SIGLEC6: variants seen among roughly 807,000 people sequenced by gnomAD.
SIGLEC6 encodes the protein sialic acid-binding Ig-like lectin 6.
Under a neutral mutation model 41.4 loss-of-function variants are expected in SIGLEC6, and 31 were observed. The observed-to-expected ratio is 0.75, with a 90% CI of 0.56 to 1.01. The LOEUF is 1.01. SIGLEC6 is among the 50% of genes least tolerant of loss of function. The pLI, the probability that SIGLEC6 is intolerant of heterozygous loss-of-function variation, is 0.00. For synonymous variants in SIGLEC6, 217 were observed against 231.0 expected, an observed-to-expected ratio of 0.94 and a Z score of 0.55; for missense variants, 555 against 558.6, an observed-to-expected ratio of 0.99 and a Z score of 0.06.
chr19:51,524,733 T>G (rs915248763), intron 7 of SIGLEC6, among the ~76,000 whole-genome samples: 5 of 152,164 alleles, frequency 3.3e-5, no homozygotes, highest in Admixed American at 1.3e-4. Context: ...GGAGAGGAGA[T>G]AGAGTGGCAA....
rs756556056 is a variant in SIGLEC6 at position 51,531,632 on chromosome 19, T to C, written c.17A>G (p.Glu6Gly). MQGAQ[E>G]ASASEMLPLL... ...CGGTAGCATCTCTGAGGCGGAGGCT[T>C]CCTGGGCTCCCTGCATGAGCAGAGA... The change falls in exon 1 of 8, where the codon GAA becomes GGA. Residue 6 changes from glutamate (E) to glycine (G), a missense_variant. By Grantham distance (98) the Glu-to-Gly change is moderately conservative. Transcript: ENST00000425629. The C allele has an allele frequency of 1.2e-6, 2 of 1,608,638 alleles. No individual in the cohort carries two copies. The highest frequency in any genetic ancestry group is 2.2e-5 in the South Asian group (2 of 90,286).
chr19:51,520,248 T>C lies in SIGLEC6; in HGVS notation c.1196A>G (p.Gln399Arg). 1 of 1,581,948 alleles carries C rather than the reference T, an allele frequency of 6.3e-7. No homozygotes were observed. The highest frequency in any genetic ancestry group is 8.6e-7 in the Non-Finnish European group (1 of 1,156,746). ...PVMVSGSRGH[Q>R]HQFQTGIVSD... The stretch of plus-strand genomic sequence containing the variant: ...AACTATGCCTGTCTGGAACTGGTGC[T>C]GATGACCCTTAATGGAAGAAAAGAA... The change falls in exon 8 of 8, where the codon CAG becomes CGG. Residue 399 changes from glutamine (Q) to arginine (R), a missense_variant. Physicochemically the swap from Gln to Arg is conservative, Grantham distance 43 (BLOSUM62 1). Transcript: ENST00000425629.
intron 1 of SIGLEC6, 26 bp downstream of exon 1, chr19:51,531,556 C>T (rs764977158): frequency 4.3e-6 from 7 of 1,613,986 alleles, no homozygotes; most frequent in South Asian, 3.3e-5. Flanking sequence ...CCCAGCCCCA[C>T]GGCACCTCTC....
In SIGLEC6 at chr19:51,531,360, A is replaced by C; in HGVS notation, c.227T>G (p.Val76Gly). ...YWFLEGADVP[V>G]ATNDPDEEVQ... is the part of the protein sequence containing the mutation. Reference sequence around the variant, plus strand: ...TTCTTCGTCTGGGTCGTTTGTGGCCACTGGAACATCAGCCCCTTCCAGGAA... The same window carrying C: ...TTCTTCGTCTGGGTCGTTTGTGGCCCCTGGAACATCAGCCCCTTCCAGGAA... The change falls in exon 2 of 8, where the codon GTG becomes GGG. Residue 76 changes from valine (V) to glycine (G), a missense_variant. By Grantham distance (109) the Val-to-Gly change is moderately radical (BLOSUM62 -3). Transcript: ENST00000425629. 1 of 1,614,118 alleles carries C rather than the reference A, an allele frequency of 6.2e-7. No individual in the cohort carries two copies. The highest frequency in any genetic ancestry group is 1.3e-5 in the African/African-American group (1 of 75,022).
At chr19:51,528,552 T>C in intron 5 of SIGLEC6, 1 of 436,314 alleles carries the variant, frequency 2.3e-6, no homozygotes, top group Non-Finnish European at 4.2e-6. Flanking sequence ...ACAATTCCTA[T>C]TTTGAAGTCC....
intron 7 of SIGLEC6, among the ~76,000 whole-genome samples, chr19:51,527,070 T>TC (rs1979350779): frequency 6.6e-6 from 1 of 151,954 alleles, no homozygotes; most frequent in Non-Finnish European, 1.5e-5. Context: ...TACAACTCAT[T>TC]GGCATCCCTG....
intron 5 of SIGLEC6, 164 bp from the exon 6 acceptor site, chr19:51,528,417 C>T (rs992260785): frequency 9.4e-6 from 6 of 635,798 alleles, no homozygotes; most frequent in South Asian, 1.9e-5. Flanking sequence ...CTCTCCATGA[C>T]TCCCCCTTCC....
chr19:51,529,063 A>T (rs1979738946), intron 5 of SIGLEC6, among the ~76,000 whole-genome samples: 1 of 151,302 alleles, frequency 6.6e-6, no homozygotes, highest in Admixed American at 6.6e-5. Context: ...AGACACCACC[A>T]TGTGAAGATT....
rs1295085833 is a variant in SIGLEC6 at position 51,518,204 on chromosome 19, A to G, written c.*1878T>C. Among the ~76,000 whole-genome samples, 1 of 152,174 alleles carries G rather than the reference A, an allele frequency of 6.6e-6. No individual in the cohort carries two copies. Among genetic ancestry groups the G allele is most frequent in the African/African-American group, 2.4e-5 (1 of 41,442 alleles). ...ACTTTCAGTCTTAAAATGTGTTTTCATTGAGTAGGCTTTCTAAAACAACAT... is the reference window on the plus strand; with the variant it reads ...ACTTTCAGTCTTAAAATGTGTTTTCGTTGAGTAGGCTTTCTAAAACAACAT... On this transcript the variant is annotated 3_prime_UTR_variant, in exon 8 of 8. Coordinates refer to ENST00000425629, the MANE Select transcript of SIGLEC6 (RefSeq NM_001245.7).
In SIGLEC6 at chr19:51,528,183, G is replaced by A. The variant is rs758817540; in HGVS notation, c.1083C>T (p.Phe361=). 2.5e-6 allele frequency: 4 copies of A among 1,614,128 alleles called. No homozygotes were observed. Among genetic ancestry groups the A allele is most frequent in the East Asian group, 2.2e-5 (1 of 44,874 alleles). ...VWGASITTLV[F]LCVCFIFRVK... is the part of the protein sequence containing the mutation. ...ACCTGAAGATGAAGCAAACACAGAGGAAAACCAGGGTTGTGATGCTAGCTC... is the reference window on the plus strand; with the variant it reads ...ACCTGAAGATGAAGCAAACACAGAGAAAAACCAGGGTTGTGATGCTAGCTC... The change falls in exon 6 of 8, where the codon TTC becomes TTT. Residue 361 remains phenylalanine, a synonymous_variant. Coordinates refer to ENST00000425629, the MANE Select transcript of SIGLEC6 (RefSeq NM_001245.7).
At chr19:51,528,874 G>T (rs942867787) in intron 5 of SIGLEC6, among the ~76,000 whole-genome samples, 2 of 151,842 alleles carry the variant, frequency 1.3e-5, no homozygotes, top group South Asian at 4.2e-4. Flanking sequence ...CCAGCTACTC[G>T]GGAGGCTGAG....
At chr19:51,530,081 A>G (rs1979991949) in intron 4 of SIGLEC6, 100 bp from the exon 5 acceptor site, 5 of 1,403,380 alleles carry the variant, frequency 3.6e-6, no homozygotes, top group Admixed American at 2.3e-5. Flanking sequence ...TGAGGAGGAG[A>G]CTAGTAAAGT....
In SIGLEC6 at chr19:51,520,251, T is replaced by C; in HGVS notation, c.1193A>G (p.His398Arg). 6.4e-7 allele frequency: 1 copy of C among 1,574,460 alleles called. No homozygotes were observed. The highest frequency in any genetic ancestry group is 8.7e-7 in the Non-Finnish European group (1 of 1,151,532). Residue 398 changes from histidine (H) to arginine (R), a missense_variant, in exon 8 of 8, where the codon CAT becomes CGT. By Grantham distance (29) the His-to-Arg change is conservative (BLOSUM62 0). Transcript: ENST00000425629. ...TATGCCTGTCTGGAACTGGTGCTGATGACCCTTAATGGAAGAAAAGAAAAG... is the reference window on the plus strand; with the variant it reads ...TATGCCTGTCTGGAACTGGTGCTGACGACCCTTAATGGAAGAAAAGAAAAG... Reference protein sequence around the residue: ...NPVMVSGSRGHQHQFQTGIVS... With the variant: ...NPVMVSGSRGRQHQFQTGIVS...
At chr19:51,529,186 G>A (rs1294815777) in intron 5 of SIGLEC6, among the ~76,000 whole-genome samples, 1 of 152,094 alleles carries the variant, frequency 6.6e-6, no homozygotes, top group Non-Finnish European at 1.5e-5. Flanking sequence ...GCCTCAAAAG[G>A]AACCAACTCT....
rs1215193221 is a variant in SIGLEC6, at chr19:51,518,721, T to C, written c.*1361A>G. On this transcript the variant is annotated 3_prime_UTR_variant, in exon 8 of 8. Coordinates refer to ENST00000425629, the MANE Select transcript of SIGLEC6 (RefSeq NM_001245.7). The stretch of plus-strand genomic sequence containing the variant: ...TTAATAGTTGGTCTTCATTAAATGC[T>C]TTCTTCAATTTCACTGGAATAGTGG... 6.6e-6 allele frequency among the ~76,000 whole-genome samples: 1 copy of C among 152,236 alleles called. No homozygotes were observed. The highest frequency in any genetic ancestry group is 1.5e-5 in the Non-Finnish European group (1 of 68,042).
intron 7 of SIGLEC6, among the ~76,000 whole-genome samples, chr19:51,522,361 A>G (rs888269940): frequency 2.6e-5 from 4 of 152,286 alleles, no homozygotes; most frequent in African/African-American, 9.6e-5. Context: ...CCAGTATGCC[A>G]CCAAAATCAC....
rs766184314 is a variant in SIGLEC6 at position 51,527,736 on chromosome 19, C to G, written c.1188+11G>C. On this transcript the variant is annotated intron_variant, in intron 7 of 7. Coordinates refer to ENST00000425629, the MANE Select transcript of SIGLEC6 (RefSeq NM_001245.7). ...TAATGCTGAATGGAAATTAAGGTCT[C>G]TGTCACTCACCCTGGAGCCTGAGAC... 10 of 1,613,392 alleles carry G rather than the reference C, an allele frequency of 6.2e-6. No homozygotes were observed. The highest frequency in any genetic ancestry group is 8.5e-6 in the Non-Finnish European group (10 of 1,179,538).
intron 5 of SIGLEC6, 48 bp downstream of exon 5, chr19:51,529,676 G>C (rs1479105280): frequency 7.5e-6 from 12 of 1,609,666 alleles, no homozygotes; most frequent in Non-Finnish European, 1.0e-5. Context: ...ATACTATGGA[G>C]CTCTCGCCCA....
At chr19:51,528,481 G>A in intron 5 of SIGLEC6, 6 of 567,500 alleles carry the variant, frequency 1.1e-5, no homozygotes, top group Non-Finnish European at 1.9e-5. Context: ...TCTGGGCCTT[G>A]GAAACATCTT....
Sources: allele counts gnomAD v4.1 joint callset (sites outside exome capture counted in the v4.1 genomes callset), GRCh38; gene constraint gnomAD v4.1.1; transcripts MANE v1.5; gene names NCBI Gene and HGNC (gene_info 2026-07-23, HGNC 2026-07-21).